KHDRBS2: variants seen among roughly 807,000 people sequenced by gnomAD.
The protein encoded by KHDRBS2 is KH domain-containing, RNA-binding, signal transduction-associated protein 2.
KHDRBS2 carries 26 observed loss-of-function variants against 44.3 expected under a neutral mutation model. The observed-to-expected ratio is 0.59, with a 90% CI of 0.43 to 0.81. KHDRBS2 has a LOEUF of 0.81. KHDRBS2 is among the 40% of genes least tolerant of loss of function. The pLI is 0.00. For synonymous variants in KHDRBS2, 194 were observed against 151.1 expected (o/e 1.28, Z -2.08); for missense variants, 476 against 433.1 (o/e 1.10, Z -0.88).
intron 2 of KHDRBS2, among the ~76,000 whole-genome samples, chr6:62,126,621 G>A (rs1244627216): frequency 6.6e-6 from 1 of 152,154 alleles, no homozygotes; most frequent in African/African-American, 2.4e-5. Context: ...TCAGCTCTAG[G>A]CAGCTCACCA....
chr6:61,901,325 T>C lies in KHDRBS2; in HGVS notation c.530A>G (p.Tyr177Cys), dbSNP rs1390110763. 2.5e-6 allele frequency: 4 copies of C among 1,613,050 alleles called. No homozygotes were observed. The African/African-American group carries it at 5.3e-5, about 22-fold the overall frequency. Residue 177 changes from tyrosine (Y) to cysteine (C), a missense_variant, in exon 5 of 9, where the codon TAC becomes TGC. Coordinates refer to ENST00000281156, the MANE Select transcript of KHDRBS2 (RefSeq NM_152688.4). ...ACCAGAGTCCTCTGAGCCATTTAAG[T>C]AAGATAATTCACGTAGTTGTTCCTG... ...IRQEQLRELSYLNGSEDSGRG... is the reference protein window; with the variant it reads ...IRQEQLRELSCLNGSEDSGRG...
intron 2 of KHDRBS2, among the ~76,000 whole-genome samples, chr6:62,053,418 T>C (rs1244424603): frequency 1.3e-5 from 2 of 151,998 alleles, no homozygotes; most frequent in Non-Finnish European, 2.9e-5. Context: ...AGTCCTGTTG[T>C]ATGTACAAAA....
chr6:61,791,620 C>T (rs750033278), intron 6 of KHDRBS2, among the ~76,000 whole-genome samples: 7 of 151,226 alleles, frequency 4.6e-5, no homozygotes, highest in Non-Finnish European at 8.9e-5. Flanking sequence ...CCTAAATGAA[C>T]GCATGCGCTT....
the KHDRBS2 span, among the ~76,000 whole-genome samples, chr6:61,564,227 T>A: frequency 1.3e-5 from 2 of 152,138 alleles, no homozygotes; most frequent in Non-Finnish European, 2.9e-5. Context: ...GGGCATTTTA[T>A]TAAGCATCTA....
chr6:61,599,620 C>A, the KHDRBS2 span, among the ~76,000 whole-genome samples: 1 of 152,176 alleles, frequency 6.6e-6, no homozygotes, highest in African/African-American at 2.4e-5. Context: ...ACCATTAAAT[C>A]TGACACCCAG....
At chr6:61,864,420 T>G (rs1797494646) in intron 6 of KHDRBS2, among the ~76,000 whole-genome samples, 1 of 152,202 alleles carries the variant, frequency 6.6e-6, no homozygotes, top group African/African-American at 2.4e-5. Flanking sequence ...TAATTATTTT[T>G]CCATTCCTTT....
intron 4 of KHDRBS2, among the ~76,000 whole-genome samples, chr6:61,954,233 G>A (rs1765422683): frequency 6.6e-6 from 1 of 151,904 alleles, no homozygotes; most frequent in South Asian, 2.1e-4. Context: ...CAATAGGGAT[G>A]TGTGTGAATG....
intron 2 of KHDRBS2, among the ~76,000 whole-genome samples, chr6:62,165,347 CT>C (rs921573126): frequency 1.5e-3 from 211 of 139,544 alleles, no homozygotes; most frequent in African/African-American, 4.2e-3. Context: ...TCTGGTCTTC[CT>C]TTTTTTTTTT....
At chr6:62,100,941 T>C (rs1801728313) in intron 2 of KHDRBS2, among the ~76,000 whole-genome samples, 1 of 152,092 alleles carries the variant, frequency 6.6e-6, no homozygotes, top group Non-Finnish European at 1.5e-5. Context: ...TTACAAAAAA[T>C]AGCAAATTGA....
chr6:61,975,605 C>T (rs147285022), intron 4 of KHDRBS2, among the ~76,000 whole-genome samples: 517 of 150,450 alleles, frequency 3.4e-3, no homozygotes, highest in Non-Finnish European at 5.4e-3. Context: ...ATCAGAATAG[C>T]CCTCATGACA....
intron 4 of KHDRBS2, among the ~76,000 whole-genome samples, chr6:61,915,713 A>C (rs1806870378): frequency 6.6e-6 from 1 of 152,018 alleles, no homozygotes; most frequent in Non-Finnish European, 1.5e-5. Context: ...ACTATCAACA[A>C]ACCCTCTCGA....
intron 4 of KHDRBS2, among the ~76,000 whole-genome samples, chr6:61,937,358 TA>T (rs1811221602): frequency 6.6e-6 from 1 of 152,074 alleles, no homozygotes; most frequent in African/African-American, 2.4e-5. Context: ...ATTCTTATTT[TA>T]AAATTTATTT....
the KHDRBS2 span, among the ~76,000 whole-genome samples, chr6:61,661,025 C>G: frequency 6.6e-6 from 1 of 151,710 alleles, no homozygotes; most frequent in African/African-American, 2.4e-5. Flanking sequence ...ACCTCATGTT[C>G]TGATGAATAA....
intron 4 of KHDRBS2, among the ~76,000 whole-genome samples, chr6:61,903,362 G>T (rs1432493018): frequency 6.6e-6 from 1 of 151,892 alleles, no homozygotes; most frequent in Non-Finnish European, 1.5e-5. Flanking sequence ...CAAGACTGAG[G>T]GTTAGAATAA....
chr6:62,080,138 T>G (rs1797115066), intron 2 of KHDRBS2, among the ~76,000 whole-genome samples: 1 of 152,108 alleles, frequency 6.6e-6, no homozygotes, highest in South Asian at 2.1e-4. Flanking sequence ...CATAAAGTAA[T>G]TTATTCAGAG....
chr6:61,999,751 A>G lies in KHDRBS2; in HGVS notation c.337-21539T>C, dbSNP rs368564298. On this transcript the variant is annotated intron_variant, in intron 3 of 8. Coordinates refer to ENST00000281156, the MANE Select transcript of KHDRBS2 (RefSeq NM_152688.4). ...GCCAGAGAAAAGCTGTTAAATTATG[A>G]AAAGGCATCTTTGTCTTTTATAGTT... Among the ~76,000 whole-genome samples, 16 of 152,266 alleles carry G rather than the reference A, an allele frequency of 1.1e-4. 1 individual carries two copies. The East Asian group carries it at 2.7e-3, about 26-fold the overall frequency.
intron 2 of KHDRBS2, among the ~76,000 whole-genome samples, chr6:62,132,218 A>G (rs1363184562): frequency 6.6e-6 from 1 of 152,182 alleles, no homozygotes; most frequent in Non-Finnish European, 1.5e-5. Context: ...AGTATATTTA[A>G]ACCTTATTTT....
chr6:61,674,569 C>T, the KHDRBS2 span, among the ~76,000 whole-genome samples: 2 of 151,702 alleles, frequency 1.3e-5, no homozygotes, highest in Non-Finnish European at 2.9e-5. Context: ...AGCATATATG[C>T]TCAAAAACCA....
intron 5 of KHDRBS2, among the ~76,000 whole-genome samples, chr6:61,899,055 T>A (rs551667765): frequency 1.6e-4 from 24 of 152,030 alleles, no homozygotes; most frequent in African/African-American, 4.8e-4. Context: ...TTATTTTCTT[T>A]TATAACATTG....
Sources: gnomAD v4.1 joint callset for allele counts (sites outside exome capture counted in the v4.1 genomes callset) on GRCh38, gnomAD v4.1.1 for gene constraint, MANE v1.5 for transcripts, NCBI Gene and HGNC (gene_info 2026-07-23, HGNC 2026-07-21) for gene names.